Variants in TNFRSF12A observed in about 807,000 individuals in gnomAD.
The protein encoded by TNFRSF12A is TNF receptor superfamily member 12A, also known as tumor necrosis factor receptor superfamily member 12A.
A neutral mutation model predicts 15.5 loss-of-function variants in TNFRSF12A; 13 were observed. The observed-to-expected ratio is 0.84, with a 90% CI of 0.54 to 1.33. The LOEUF is 1.33. Ranked by LOEUF, TNFRSF12A falls within the 40% of genes most tolerant of loss-of-function variation. The pLI, the probability that TNFRSF12A is intolerant of heterozygous loss-of-function variation, is 0.00. For missense variants in TNFRSF12A, 174 were observed against 173.6 expected, an observed-to-expected ratio of 1.00 and a Z score of -0.01; for synonymous variants, 89 against 78.4, an observed-to-expected ratio of 1.14 and a Z score of -0.71.
In TNFRSF12A at chr16:3,021,576, C is replaced by A; in HGVS notation, c.221C>A (p.Pro74His). The A allele has an allele frequency of 8.7e-6, 14 of 1,611,982 alleles. No homozygotes were observed. Among genetic ancestry groups the A allele is most frequent in the Non-Finnish European group, 1.2e-5 (14 of 1,179,318 alleles). ...CLGCAAAPPA[P>H]FRLLWPILGG... ...CCAGGCGCTGCAGCACCTCCTGCCC[C>A]CTTCCGGCTGCTTTGGCCCATCCTT... The change falls in exon 3 of 4, where the codon CCC (proline) becomes CAC (histidine). Residue 74 changes from proline (P) to histidine (H), a missense_variant. Physicochemically the swap from Pro to His is moderately conservative, Grantham distance 77. Transcript: ENST00000326577.
intron 1 of TNFRSF12A, chr16:3,020,998 G>C: frequency 2.0e-6 from 1 of 488,780 alleles, no homozygotes; most frequent in Non-Finnish European, 3.6e-6. Context: ...CCGGCGGCAG[G>C]GGGGTTGTGG....
chr16:3,021,666 GC>G lies in TNFRSF12A; in HGVS notation c.313del (p.Arg105AlafsTer10). 1.2e-6 allele frequency: 2 copies of G among 1,613,780 alleles called. No homozygotes were observed. Among genetic ancestry groups the G allele is most frequent in the Non-Finnish European group, 1.7e-6 (2 of 1,179,974 alleles). On this transcript the variant is annotated frameshift_variant, in exon 3 of 4. Coordinates refer to ENST00000326577, the MANE Select transcript of TNFRSF12A (RefSeq NM_016639.3). LOFTEE classifies it high-confidence loss of function. ...TCTGGCTTTTTGGTCTGGAGACGAT[GC>G]CGCAGGAGAGAGAAGTTCACCAGTA... ...LLSGFLVWRR[C>X]RRREKFTTPI...
At chr16:3,020,871 TAG>T in intron 1 of TNFRSF12A, 1 of 415,854 alleles carries the variant, frequency 2.4e-6, no homozygotes, top group Non-Finnish European at 4.2e-6. Context: ...CGAGAGGCAC[TAG>T]GGTCTGTGCC....
chr16:3,020,707 T>TG (rs3216961), intron 1 of TNFRSF12A: 118 of 399,196 alleles, frequency 3.0e-4, no homozygotes, highest in South Asian at 5.0e-4. Flanking sequence ...CAATTGGGGT[T>TG]GGGGGGGGTC....
In TNFRSF12A at chr16:3,021,791, G is replaced by A. The variant is rs141463046; in HGVS notation, c.355G>A (p.Gly119Arg). 51 of 1,613,090 alleles carry A rather than the reference G, an allele frequency of 3.2e-5. No homozygotes were observed. The highest frequency in any genetic ancestry group is 2.5e-4 in the Admixed American group (15 of 59,928). ...KFTTPIEETG[G>R]EGCPAVALIQ Reference sequence around the variant, plus strand: ...TGCAGCCCCCATAGAGGAGACCGGCGGAGAGGGCTGCCCAGCTGTGGCGCT... The same window carrying A: ...TGCAGCCCCCATAGAGGAGACCGGCAGAGAGGGCTGCCCAGCTGTGGCGCT... Residue 119 changes from glycine to arginine, a missense_variant, in exon 4 of 4, where the codon GGA becomes AGA. Physicochemically the swap from Gly to Arg is moderately radical, Grantham distance 125. Coordinates refer to ENST00000326577, the MANE Select transcript of TNFRSF12A (RefSeq NM_016639.3).
At chr16:3,021,093 C>A (rs1446673794) in intron 1 of TNFRSF12A, 122 bp from the exon 2 acceptor site, 1 of 571,476 alleles carries the variant, frequency 1.7e-6, no homozygotes, top group South Asian at 2.3e-5. Context: ...GTGCGGTCAC[C>A]TGTGAGGAAT....
At chr16:3,021,381 C>A in intron 2 of TNFRSF12A, 62 bp downstream of exon 2, 1 of 1,455,526 alleles carries the variant, frequency 6.9e-7, no homozygotes, top group Non-Finnish European at 9.1e-7. Flanking sequence ...GTGGCTGGTG[C>A]GCAGAGCGGG....
rs376963832 is a variant in TNFRSF12A, at chr16:3,021,293, G to A, written c.173G>A (p.Arg58Gln). The change falls in exon 2 of 4, where the codon CGA becomes CAA. Residue 58 changes from arginine to glutamine, a missense_variant. By Grantham distance (43) the Arg-to-Gln change is conservative (BLOSUM62 1). Transcript: ENST00000326577. The stretch of plus-strand genomic sequence containing the variant: ...ATGGACTGCGCGTCTTGCAGGGCGC[G>A]ACCGCACAGCGACTTCTGCCTGGGC... ...KCMDCASCRA[R>Q]PHSDFCLGCA... The A allele has an allele frequency of 3.2e-6, 5 of 1,586,718 alleles. No homozygotes were observed. The highest frequency in any genetic ancestry group is 2.3e-5 in the East Asian group (1 of 44,324).
rs2072607420 is a variant in TNFRSF12A, at chr16:3,021,199, G to A, written c.95-16G>A. 3 of 1,430,854 alleles carry A rather than the reference G, an allele frequency of 2.1e-6. No homozygotes were observed. The highest frequency in any genetic ancestry group is 2.8e-6 in the Non-Finnish European group (3 of 1,054,244). The allele number at this position is 1,430,854 out of a possible 1,614,324, so 88.6% of individuals were successfully genotyped here. A position where few individuals can be genotyped will look rare whatever the true frequency, so the allele number is the denominator to read the frequency against. On this transcript the variant is annotated splice_polypyrimidine_tract_variant and intron_variant, in intron 1 of 3. Transcript: ENST00000326577. ...GAGTCCCGCCCCCAGCCTCTGACCC[G>A]AGGCCCCCTCCCCAGGCACCGCCCC...
At chr16:3,020,588 G>T (rs1275396466) in intron 1 of TNFRSF12A, 97 bp downstream of exon 1, 2 of 919,328 alleles carry the variant, frequency 2.2e-6, no homozygotes, top group African/African-American at 3.4e-5. Flanking sequence ...ACAGGCGGAT[G>T]TGGGGATCTG....
intron 1 of TNFRSF12A, chr16:3,020,763 A>C: frequency 2.5e-6 from 1 of 399,498 alleles, no homozygotes; most frequent in Non-Finnish European, 4.4e-6. Flanking sequence ...AGAGAAAGTG[A>C]GTGAGGGCGG....
chr16:3,021,111 G>A (rs1200076220), intron 1 of TNFRSF12A, 104 bp from the exon 2 acceptor site: 1 of 601,318 alleles, frequency 1.7e-6, no homozygotes, highest in Middle Eastern at 4.5e-4. Flanking sequence ...AATGCGCGGG[G>A]AGGGCGCCGG....
In TNFRSF12A at chr16:3,020,402, C is replaced by T. The variant is rs2072599347; in HGVS notation, c.5C>T (p.Ala2Val). The change falls in exon 1 of 4, where the codon GCT (alanine) becomes GTT (valine). Residue 2 changes from alanine to valine, a missense_variant. By Grantham distance (64) the Ala-to-Val change is moderately conservative. Coordinates refer to ENST00000326577, the MANE Select transcript of TNFRSF12A (RefSeq NM_016639.3). ...GGCGGGCGCAGGACGTGCACTATGG[C>T]TCGGGGCTCGCTGCGCCGGTTGCTG... M[A>V]RGSLRRLLRL... is the part of the protein sequence containing the mutation. 7.8e-7 allele frequency: 1 copy of T among 1,290,110 alleles called. No individual in the cohort carries two copies. Among genetic ancestry groups the T allele is most frequent in the African/African-American group, 1.5e-5 (1 of 66,062 alleles). 79.9% of individuals were successfully genotyped at this position (1,290,110 alleles called of 1,614,324 possible).
chr16:3,020,671 T>G (rs1178929375), intron 1 of TNFRSF12A, 180 bp downstream of exon 1: 3 of 415,710 alleles, frequency 7.2e-6, no homozygotes, highest in Non-Finnish European at 1.2e-5. Flanking sequence ...TCATTCACAA[T>G]CCGGGCCTCA....
intron 1 of TNFRSF12A, chr16:3,020,930 C>T: frequency 2.1e-6 from 1 of 475,042 alleles, no homozygotes; most frequent in Non-Finnish European, 3.7e-6. Context: ...ACTTCAGTGC[C>T]CAGCTATGCG....
At chr16:3,021,402 T>G in intron 2 of TNFRSF12A, 83 bp downstream of exon 2, 1 of 1,430,054 alleles carries the variant, frequency 7.0e-7, no homozygotes, top group Non-Finnish European at 9.3e-7. Flanking sequence ...GCCGAGAGCT[T>G]TGCATCTGGG....
Position 3,022,104 on chromosome 16 carries a change from G to C in TNFRSF12A, c.*278G>C. On this transcript the variant is annotated 3_prime_UTR_variant, in exon 4 of 4. Coordinates refer to ENST00000326577, the MANE Select transcript of TNFRSF12A (RefSeq NM_016639.3). ...AAGGAACTGCAGCATTTGCACAGGG[G>C]AGGGGGGTGCCCTCCTTCCTAGAGG... 1 of 467,962 alleles carries C rather than the reference G, an allele frequency of 2.1e-6. No individual in the cohort carries two copies. The highest frequency in any genetic ancestry group is 3.7e-6 in the Non-Finnish European group (1 of 266,918). 29.0% of individuals were successfully genotyped at this position (467,962 alleles called of 1,614,324 possible). A position where few individuals can be genotyped will look rare whatever the true frequency, so the allele number is the denominator to read the frequency against.
At position 3,021,534 on chromosome 16, in the gene TNFRSF12A, G is replaced by C. The variant is rs2072611584; in HGVS notation, c.200-21G>C. On this transcript the variant is annotated intron_variant, in intron 2 of 3. Coordinates refer to ENST00000326577, the MANE Select transcript of TNFRSF12A (RefSeq NM_016639.3). ...GCTGGCCTGGAGAGGGGCGAGGTCT[G>C]ACTCCGAGTCCCGCCCCCAGGCGCT... is the stretch of plus-strand genomic sequence containing the variant. 7.0e-6 allele frequency: 11 copies of C among 1,575,990 alleles called. No homozygotes were observed. In the East Asian group the frequency reaches 2.5e-4, roughly 36 times the overall value.
At position 3,021,201 on chromosome 16, in the gene TNFRSF12A, G is replaced by A; in HGVS notation, c.95-14G>A. The A allele has an allele frequency of 6.8e-7, 1 of 1,468,154 alleles. No homozygotes were observed. The highest frequency in any genetic ancestry group is 9.2e-7 in the Non-Finnish European group (1 of 1,085,286). The allele number at this position is 1,468,154 out of a possible 1,614,324, so 90.9% of individuals were successfully genotyped here. On this transcript the variant is annotated splice_polypyrimidine_tract_variant and intron_variant, in intron 1 of 3. Coordinates refer to ENST00000326577, the MANE Select transcript of TNFRSF12A (RefSeq NM_016639.3). ...GTCCCGCCCCCAGCCTCTGACCCGA[G>A]GCCCCCTCCCCAGGCACCGCCCCCT... is the stretch of plus-strand genomic sequence containing the variant.
Sources: allele counts gnomAD v4.1 joint callset, GRCh38; gene constraint gnomAD v4.1.1; transcripts MANE v1.5; gene names NCBI Gene and HGNC (gene_info 2026-07-23, HGNC 2026-07-21).